Variants in CEP126 observed in about 807,000 individuals in gnomAD.
CEP126 encodes centrosomal protein of 126 kDa.
A neutral mutation model predicts 107.8 loss-of-function variants in CEP126; 74 were observed. The observed-to-expected ratio is 0.69, with a 90% confidence interval of 0.57 to 0.83. The LOEUF (loss-of-function observed/expected upper bound fraction) is 0.83, where lower values mean the gene tolerates loss of function less well. Ranked by LOEUF, CEP126 falls within the 40% of genes least tolerant of loss-of-function variation. CEP126 has a pLI of 0.00. For synonymous variants in CEP126, 449 were observed against 446.0 expected, an observed-to-expected ratio of 1.01 and a Z score of -0.08; for missense variants, 1,237 against 1,281.9, an observed-to-expected ratio of 0.96 and a Z score of 0.53.
At chr11:101,923,708 C>G (rs1027524796) in intron 2 of CEP126, among the ~76,000 whole-genome samples, 1 of 152,132 alleles carries the variant, frequency 6.6e-6, no homozygotes, top group South Asian at 2.1e-4. Flanking sequence ...CTCCTGGCAT[C>G]TATAAACGGC....
intron 7 of CEP126, among the ~76,000 whole-genome samples, chr11:101,981,102 CTT>C (rs1941249558): frequency 1.3e-5 from 2 of 152,256 alleles, no homozygotes; most frequent in South Asian, 4.1e-4. Context: ...TGTTCTGAGA[CTT>C]CCGTTTTCAA....
chr11:101,937,676 A>G (rs1940602309), intron 2 of CEP126, among the ~76,000 whole-genome samples: 1 of 152,112 alleles, frequency 6.6e-6, no homozygotes, highest in South Asian at 2.1e-4. Context: ...TCACCTCTAT[A>G]TTTTGAAAAT....
intron 10 of CEP126, among the ~76,000 whole-genome samples, chr11:101,994,213 C>T (rs1169305593): frequency 6.6e-6 from 1 of 152,140 alleles, no homozygotes; most frequent in African/African-American, 2.4e-5. Flanking sequence ...CCAGCCTGGG[C>T]AACAAGAGTG....
intron 2 of CEP126, among the ~76,000 whole-genome samples, chr11:101,936,580 T>C (rs1378066367): frequency 2.0e-5 from 3 of 152,156 alleles, no homozygotes; most frequent in Non-Finnish European, 4.4e-5. Flanking sequence ...CAGTGAACTT[T>C]CTAGGACTTC....
Position 102,000,168 on chromosome 11 carries a change from T to TC in CEP126, c.*2527dup, listed in dbSNP as rs1381712820. On this transcript the variant is annotated 3_prime_UTR_variant, in exon 11 of 11. Coordinates refer to ENST00000263468, the MANE Select transcript of CEP126 (RefSeq NM_020802.4). ...CACCAGCCTGGCAACAGAGCAAGAC[T>TC]CCGTCTCACAAAAATGAATAAATAA... 6.6e-6 allele frequency: 1 copy of TC among 152,008 alleles called. No individual in the cohort carries two copies. The highest frequency in any genetic ancestry group is 1.5e-5 in the Non-Finnish European group (1 of 68,008). The allele number at this position is 152,008 out of a possible 1,614,324, so 9.4% of individuals were successfully genotyped here.
intron 4 of CEP126, among the ~76,000 whole-genome samples, chr11:101,953,177 A>G (rs1940835309): frequency 6.6e-6 from 1 of 151,806 alleles, no homozygotes; most frequent in African/African-American, 2.4e-5. Flanking sequence ...ATGTCCAGTA[A>G]TAAGAATTAT....
At chr11:101,949,340 A>G (rs1481570655) in intron 4 of CEP126, among the ~76,000 whole-genome samples, 1 of 152,248 alleles carries the variant, frequency 6.6e-6, no homozygotes, top group Admixed American at 6.5e-5. Context: ...CTTTTTAAAC[A>G]TATTATTCCA....
At chr11:101,980,746 C>G (rs12802591) in intron 7 of CEP126, among the ~76,000 whole-genome samples, 56,657 of 152,010 alleles carry the variant, frequency 0.37, 10,794 homozygotes, top group East Asian at 0.51. Flanking sequence ...TTTCTCCAGC[C>G]CATGACATCT....
Position 101,961,729 on chromosome 11 carries a change from T to C in CEP126, c.706-12T>C. 2.1e-6 allele frequency: 3 copies of C among 1,419,954 alleles called. No homozygotes were observed. Among genetic ancestry groups the C allele is most frequent in the South Asian group, 2.7e-5 (2 of 73,126 alleles). 88.0% of individuals were successfully genotyped at this position (1,419,954 alleles called of 1,614,324 possible). On this transcript the variant is annotated splice_polypyrimidine_tract_variant and intron_variant, in intron 5 of 10. Coordinates refer to ENST00000263468, the MANE Select transcript of CEP126 (RefSeq NM_020802.4). Reference sequence around the variant, plus strand: ...TTTATAAGCTATAAAACAATGTTCTTTTTTTTTCCAGAAATTTTGTGATGA... The same window carrying C: ...TTTATAAGCTATAAAACAATGTTCTCTTTTTTTCCAGAAATTTTGTGATGA...
chr11:101,958,081 A>G (rs1940922994), intron 4 of CEP126, 87 bp from the exon 5 acceptor site: 2 of 1,083,370 alleles, frequency 1.8e-6, no homozygotes, highest in African/African-American at 1.6e-5. Context: ...ACACACACGT[A>G]TTACACCTAA....
intron 10 of CEP126, among the ~76,000 whole-genome samples, chr11:101,993,191 A>C (rs528334669): frequency 9.2e-5 from 14 of 152,208 alleles, no homozygotes; most frequent in African/African-American, 3.4e-4. Context: ...GTAGTTTTTC[A>C]ATCCTCTCCT....
chr11:101,919,519 A>G (rs1259409709), intron 1 of CEP126, among the ~76,000 whole-genome samples: 2 of 152,056 alleles, frequency 1.3e-5, no homozygotes, highest in East Asian at 1.9e-4. Flanking sequence ...TGGAACTCCT[A>G]CCTTTACCAT....
At chr11:101,950,836 C>A (rs1940802604) in intron 4 of CEP126, among the ~76,000 whole-genome samples, 1 of 152,274 alleles carries the variant, frequency 6.6e-6, no homozygotes, top group Admixed American at 6.5e-5. Context: ...GTATGTCTAG[C>A]AAGTGAGTGT....
intron 5 of CEP126, among the ~76,000 whole-genome samples, chr11:101,960,318 T>C (rs1371452659): frequency 6.6e-6 from 1 of 152,200 alleles, no homozygotes; most frequent in African/African-American, 2.4e-5. Flanking sequence ...ATGAAGCAAT[T>C]ACAGACCTAT....
At chr11:101,934,332 T>G (rs1347149601) in intron 2 of CEP126, among the ~76,000 whole-genome samples, 2 of 151,992 alleles carry the variant, frequency 1.3e-5, no homozygotes, top group Non-Finnish European at 2.9e-5. Context: ...CTTCACGCAT[T>G]CAATGGCACA....
At position 101,920,722 on chromosome 11, in the gene CEP126, C is replaced by A. The variant is rs149004348; in HGVS notation, c.129-1919C>A. On this transcript the variant is annotated intron_variant, in intron 1 of 10. Coordinates refer to ENST00000263468, the MANE Select transcript of CEP126 (RefSeq NM_020802.4). ...CCAAGCTCAAGCGATCTTCCCACAT[C>A]AGCCTCCCAAGTAGCTGGGGCTGCA... Among the ~76,000 whole-genome samples the A allele has an allele frequency of 4.0e-3, 615 of 152,018 alleles. 7 individuals carry two copies. The highest frequency in any genetic ancestry group is 0.014 in the African/African-American group (582 of 41,450).
intron 5 of CEP126, among the ~76,000 whole-genome samples, chr11:101,961,394 T>A (rs1208694619): frequency 6.6e-6 from 1 of 152,122 alleles, no homozygotes; most frequent in Admixed American, 6.5e-5. Flanking sequence ...ATAATTATTT[T>A]TCAGAATCTC....
chr11:101,941,450 T>G (rs1328280950), intron 2 of CEP126, among the ~76,000 whole-genome samples: 5 of 152,186 alleles, frequency 3.3e-5, no homozygotes, highest in African/African-American at 1.2e-4. Flanking sequence ...CAAGGTTCAT[T>G]TATGTGTAGC....
chr11:101,941,306 C>G lies in CEP126; in HGVS notation c.249-2959C>G, dbSNP rs538054643. Among the ~76,000 whole-genome samples the G allele has an allele frequency of 6.0e-4, 91 of 152,272 alleles. 1 individual carries two copies. In the Middle Eastern group the frequency reaches 0.014, roughly 23 times the overall value. On this transcript the variant is annotated intron_variant, in intron 2 of 10. Transcript: ENST00000263468. ...TTAAGCACTAACTCCCCATGCTACC[C>G]TCCCCACCAGCTGGTAACCCCCATT...
Sources: allele counts gnomAD v4.1 joint callset (sites outside exome capture counted in the v4.1 genomes callset), GRCh38; gene constraint gnomAD v4.1.1; transcripts MANE v1.5; gene names NCBI Gene and HGNC (gene_info 2026-07-23, HGNC 2026-07-21).